The following MIIP variants were observed in gnomAD, a reference collection of about 807,000 sequenced individuals.
The protein encoded by MIIP is migration and invasion-inhibitory protein.
Under a neutral mutation model 44.8 loss-of-function variants are expected in MIIP, and 44 were observed. That is an observed-to-expected ratio of 0.98 (90% confidence interval 0.77 to 1.26). MIIP has a LOEUF of 1.26. Among genes scored for constraint, MIIP ranks in the 50% most tolerant of loss-of-function variants. The pLI, the probability that MIIP is intolerant of heterozygous loss-of-function variation, is 0.00. For missense variants in MIIP, 496 were observed against 511.7 expected (o/e 0.97, Z 0.30); for synonymous variants, 225 against 218.3 (o/e 1.03, Z -0.27).
chr1:12,022,195 C>G lies in MIIP; in HGVS notation c.215C>G (p.Ser72Cys), dbSNP rs1159488627. ...LSTSCPRGRS[S>C]VWGPPDACRG... is the part of the protein sequence containing the mutation. ...ACCTCCTGCCCACGGGGCCGGTCCTCCGTGTGGGGCCCACCAGATGCCTGT... is the reference window on the plus strand; with the variant it reads ...ACCTCCTGCCCACGGGGCCGGTCCTGCGTGTGGGGCCCACCAGATGCCTGT... Residue 72 changes from serine to cysteine, a missense_variant, in exon 3 of 10, where the codon TCC becomes TGC. By Grantham distance (112) the Ser-to-Cys change is moderately radical. Coordinates refer to ENST00000235332, the MANE Select transcript of MIIP (RefSeq NM_021933.4). 1 of 1,613,444 alleles carries G rather than the reference C, an allele frequency of 6.2e-7. No homozygotes were observed. Among genetic ancestry groups the G allele is most frequent in the African/African-American group, 1.3e-5 (1 of 75,052 alleles).
intron 4 of MIIP, among the ~76,000 whole-genome samples, chr1:12,025,496 T>C (rs1054355236): frequency 6.6e-6 from 1 of 152,216 alleles, no homozygotes; most frequent in Non-Finnish European, 1.5e-5. Flanking sequence ...GCTGGTGACA[T>C]GGTTGTGCAC....
chr1:12,025,525 A>G (rs535021435), intron 4 of MIIP, among the ~76,000 whole-genome samples: 7 of 152,296 alleles, frequency 4.6e-5, no homozygotes, highest in Middle Eastern at 3.4e-3. Flanking sequence ...TTGACATAGC[A>G]GCCAGAGGGA....
chr1:12,026,391 C>G lies in MIIP; in HGVS notation c.548-2642C>G, dbSNP rs111593202. On this transcript the variant is annotated intron_variant, in intron 4 of 9. Transcript: ENST00000235332. Reference sequence around the variant, plus strand: ...CCTGCCCTTGAGTACTTCTTGAACTCTCAGCTCACTGCCCTCCTTCCTGGT... The same window carrying G: ...CCTGCCCTTGAGTACTTCTTGAACTGTCAGCTCACTGCCCTCCTTCCTGGT... Among the ~76,000 whole-genome samples, 85 of 152,288 alleles carry G rather than the reference C, an allele frequency of 5.6e-4. 2 individuals carry two copies. Among genetic ancestry groups the G allele is most frequent in the African/African-American group, 1.9e-3 (79 of 41,552 alleles).
At chr1:12,023,558 C>T (rs1640036654) in intron 4 of MIIP, among the ~76,000 whole-genome samples, 1 of 151,746 alleles carries the variant, frequency 6.6e-6, no homozygotes, top group Non-Finnish European at 1.5e-5. Flanking sequence ...TGCCTGCCAC[C>T]ACGCCTGGCT....
intron 4 of MIIP, among the ~76,000 whole-genome samples, chr1:12,027,770 G>T (rs749424372): frequency 6.6e-6 from 1 of 152,090 alleles, no homozygotes; most frequent in Admixed American, 6.6e-5. Context: ...CCTTCTGTCC[G>T]AAATCAAGGT....
chr1:12,022,663 A>G (rs1016309227), intron 3 of MIIP, among the ~76,000 whole-genome samples, 170 bp from the exon 4 acceptor site: 1 of 152,206 alleles, frequency 6.6e-6, no homozygotes, highest in Non-Finnish European at 1.5e-5. Flanking sequence ...TCACAGCCAC[A>G]CATAAAGTGG....
At chr1:12,020,966 G>C (rs552647803) in intron 1 of MIIP, among the ~76,000 whole-genome samples, 87 of 152,294 alleles carry the variant, frequency 5.7e-4, no homozygotes, top group Non-Finnish European at 1.0e-3. Context: ...GATTACAGAC[G>C]TGAGCCACTT....
Position 12,021,666 on chromosome 1 carries a change from C to A in MIIP, c.-61C>A. The A allele has an allele frequency of 6.7e-7, 1 of 1,481,960 alleles. No homozygotes were observed. The highest frequency in any genetic ancestry group is 9.3e-7 in the Non-Finnish European group (1 of 1,074,882). 91.8% of individuals were successfully genotyped at this position (1,481,960 alleles called of 1,614,324 possible). On this transcript the variant is annotated 5_prime_UTR_variant, in exon 2 of 10. Transcript: ENST00000235332. The stretch of plus-strand genomic sequence containing the variant: ...TCAGGTAGAAGAGCTGGGCCTGGAA[C>A]CCAGCCCTGAGGACATCCTGCGGCC...
Position 12,031,859 on chromosome 1 carries a change from C to T in MIIP, c.*51C>T. ...ATTCCCGCCGCCTCCAGCCTCTCCC[C>T]TCTGGCAGGCGCACCCAGGAGATGG... On this transcript the variant is annotated 3_prime_UTR_variant, in exon 10 of 10. Coordinates refer to ENST00000235332, the MANE Select transcript of MIIP (RefSeq NM_021933.4). 3 of 1,551,868 alleles carry T rather than the reference C, an allele frequency of 1.9e-6. No individual in the cohort carries two copies. Among genetic ancestry groups the T allele is most frequent in the Non-Finnish European group, 1.8e-6 (2 of 1,128,822 alleles).
intron 3 of MIIP, among the ~76,000 whole-genome samples, 167 bp downstream of exon 3, chr1:12,022,609 TGTGA>T (rs1460350498): frequency 6.6e-6 from 1 of 152,142 alleles, no homozygotes; most frequent in African/African-American, 2.4e-5. Context: ...AGGTGGTAGC[TGTGA>T]GTATCTCATA....
At chr1:12,025,040 G>GTTTTTT (rs1640074638) in intron 4 of MIIP, among the ~76,000 whole-genome samples, 2 of 138,848 alleles carry the variant, frequency 1.4e-5, no homozygotes, top group Non-Finnish European at 1.5e-5. Context: ...TTTTTTTTTT[G>GTTTTTT]TTTTTTGTTT....
chr1:12,022,934 C>T lies in MIIP; in HGVS notation c.547+17C>T. The T allele has an allele frequency of 1.9e-6, 3 of 1,592,744 alleles. No homozygotes were observed. The highest frequency in any genetic ancestry group is 2.6e-6 in the Non-Finnish European group (3 of 1,167,070). On this transcript the variant is annotated intron_variant, in intron 4 of 9. Transcript: ENST00000235332. ...GGATTGCAGGTAAGGCGTGCTGTTGCCCTGCACACACTTTGCCTGGGAGTG... is the reference window on the plus strand; with the variant it reads ...GGATTGCAGGTAAGGCGTGCTGTTGTCCTGCACACACTTTGCCTGGGAGTG...
rs1640168964 is a variant in MIIP, at chr1:12,029,147, C to T, written c.656+6C>T. The T allele has an allele frequency of 6.2e-7, 1 of 1,613,486 alleles. No homozygotes were observed. Among genetic ancestry groups the T allele is most frequent in the Non-Finnish European group, 8.5e-7 (1 of 1,179,476 alleles). ...TGTATCTGCAGCCATCCTGAGTGAG[C>T]AGGGGCGGGCGAGGGTGGGCGAGGG... is the stretch of plus-strand genomic sequence containing the variant. On this transcript the variant is annotated splice_donor_region_variant and intron_variant, in intron 5 of 9. Transcript: ENST00000235332.
rs374801527 is a variant in MIIP at position 12,021,304 on chromosome 1, G to A, written c.-82-341G>A. ...AGCTACTCAGGAGGCTGAGGCAGGAGAATGGCGTGAACCCGGGAGGCGGAG... is the reference window on the plus strand; with the variant it reads ...AGCTACTCAGGAGGCTGAGGCAGGAAAATGGCGTGAACCCGGGAGGCGGAG... On this transcript the variant is annotated intron_variant, in intron 1 of 9. Transcript: ENST00000235332. Among the ~76,000 whole-genome samples the A allele has an allele frequency of 2.3e-3, 342 of 151,672 alleles. 7 individuals carry two copies. The East Asian group carries it at 0.041, about 18-fold the overall frequency.
intron 8 of MIIP, 50 bp from the exon 9 acceptor site, chr1:12,031,216 G>A (rs766859815): frequency 2.0e-5 from 31 of 1,579,812 alleles, no homozygotes; most frequent in Non-Finnish European, 2.7e-5. Flanking sequence ...TGCCCAGTCA[G>A]CGGGGAGCTT....
chr1:12,020,728 G>A (rs914689619), intron 1 of MIIP, among the ~76,000 whole-genome samples: 60 of 152,096 alleles, frequency 3.9e-4, no homozygotes, highest in African/African-American at 1.3e-3. Context: ...CTGTCGCCCA[G>A]GCTGGAGCGC....
In MIIP at chr1:12,022,682, G is replaced by A. The variant is rs148554065; in HGVS notation, c.463-151G>A. 506 of 695,634 alleles carry A rather than the reference G, an allele frequency of 7.3e-4. 5 individuals carry two copies. In the African/African-American group the frequency reaches 7.9e-3, roughly 11 times the overall value. 43.1% of individuals were successfully genotyped at this position (695,634 alleles called of 1,614,324 possible). A position where few individuals can be genotyped will look rare whatever the true frequency, so the allele number is the denominator to read the frequency against. ...AGCCACACATAAAGTGGGGCCAAAC[G>A]TTTCCCTTCTTGCTCTTGTGCCCTT... On this transcript the variant is annotated intron_variant, in intron 3 of 9. Coordinates refer to ENST00000235332, the MANE Select transcript of MIIP (RefSeq NM_021933.4).
chr1:12,024,452 C>T (rs1350427173), intron 4 of MIIP, among the ~76,000 whole-genome samples: 1 of 152,132 alleles, frequency 6.6e-6, no homozygotes, highest in Non-Finnish European at 1.5e-5. Flanking sequence ...TCACTCTTGT[C>T]ATCCAGGCTA....
rs759261675 is a variant in MIIP, at chr1:12,029,792, G to A, written c.743G>A (p.Arg248His). The A allele has an allele frequency of 1.4e-5, 22 of 1,613,100 alleles. No individual in the cohort carries two copies. The highest frequency in any genetic ancestry group is 1.2e-4 in the Admixed American group (7 of 59,948). The change falls in exon 7 of 10, where the codon CGC becomes CAC. Residue 248 changes from arginine to histidine, a missense_variant. By Grantham distance (29) the Arg-to-His change is conservative. Transcript: ENST00000235332. ...GTGTACTGTTACCGTGTCAACCGGC[G>A]CCTGTTCCCGGTGCCTGTGGATCCC... ...ECVYCYRVNRRLFPVPVDPGT... is the reference protein window; with the variant it reads ...ECVYCYRVNRHLFPVPVDPGT...
Sources: gnomAD v4.1 joint callset for allele counts (sites outside exome capture counted in the v4.1 genomes callset) on GRCh38, gnomAD v4.1.1 for gene constraint, MANE v1.5 for transcripts, NCBI Gene and HGNC (gene_info 2026-07-23, HGNC 2026-07-21) for gene names.